Variants in MX1 observed in about 807,000 individuals in gnomAD.
The protein encoded by MX1 is interferon-induced GTP-binding protein Mx1.
MX1 carries 66 observed loss-of-function variants against 66.4 expected under a neutral mutation model. The observed-to-expected ratio is 0.99, with a 90% CI of 0.82 to 1.22. The LOEUF (loss-of-function observed/expected upper bound fraction) is 1.22. Among genes scored for constraint, MX1 ranks in the 50% most tolerant of loss-of-function variants. MX1 has a pLI of 0.00. For synonymous variants in MX1, 311 were observed against 318.1 expected (o/e 0.98, Z 0.24); for missense variants, 787 against 834.3 (o/e 0.94, Z 0.70).
At chr21:41,423,435 A>G (rs947084780), upstream of MX1, among the ~76,000 whole-genome samples, 1 of 152,226 alleles carries the variant, frequency 6.6e-6, no homozygotes, top group African/African-American at 2.4e-5. Context: ...TTCTGTCTCA[A>G]TCACTGTCCC....
At chr21:41,432,969 C>T (rs2146119111) in intron 5 of MX1, among the ~76,000 whole-genome samples, 1 of 152,318 alleles carries the variant, frequency 6.6e-6, no homozygotes, top group East Asian at 1.9e-4. Context: ...CATTTCCGTC[C>T]CTGGTGCGTC....
chr21:41,437,013 AG>A lies in MX1; in HGVS notation c.300del. The A allele has an allele frequency of 6.2e-7, 1 of 1,613,854 alleles. No individual in the cohort carries two copies. Among genetic ancestry groups the A allele is most frequent in the South Asian group, 1.1e-5 (1 of 91,074 alleles). ...AGCACTGATGTGGGCGTGGCCTCCT[AG>A]GGATCGTGACCAGATGCCCGCTGGT... is the stretch of plus-strand genomic sequence containing the variant. On this transcript the variant is annotated splice_acceptor_variant, in intron 6 of 16. Coordinates refer to ENST00000398598, the MANE Select transcript of MX1 (RefSeq NM_002462.5). LOFTEE classifies it high-confidence loss of function.
intron 11 of MX1, among the ~76,000 whole-genome samples, 185 bp downstream of exon 11, chr21:41,444,051 A>G (rs2090591422): frequency 6.6e-6 from 1 of 152,186 alleles, no homozygotes; most frequent in Non-Finnish European, 1.5e-5. Flanking sequence ...CCCCCAGACA[A>G]TGTGGATATT....
intron 11 of MX1, among the ~76,000 whole-genome samples, chr21:41,444,102 T>C (rs1291757113): frequency 6.6e-6 from 1 of 152,106 alleles, no homozygotes; most frequent in Admixed American, 6.5e-5. Flanking sequence ...GCTGATAGAC[T>C]ATATCTACTG....
At chr21:41,438,338 T>G (rs2090419672) in intron 7 of MX1, among the ~76,000 whole-genome samples, 1 of 152,270 alleles carries the variant, frequency 6.6e-6, no homozygotes. Context: ...ATCTTAAAAC[T>G]AATGGCTTGA....
At position 41,435,998 on chromosome 21, in the gene MX1, A is replaced by C. The variant is rs1298776703; in HGVS notation, c.267A>C (p.Ala89=). The change falls in exon 6 of 17, where the codon GCA becomes GCC. Residue 89 remains alanine, a synonymous_variant. Transcript: ENST00000398598. ...QSSGKSSVLE[A]LSGVALPRGS... Reference sequence around the variant, plus strand: ...CGGGCAAGAGCTCCGTGTTGGAGGCACTGTCAGGAGTTGCCCTTCCCAGAG... The same window carrying C: ...CGGGCAAGAGCTCCGTGTTGGAGGCCCTGTCAGGAGTTGCCCTTCCCAGAG... The C allele has an allele frequency of 1.7e-5, 27 of 1,614,210 alleles. No individual in the cohort carries two copies. The highest frequency in any genetic ancestry group is 2.3e-5 in the Non-Finnish European group (27 of 1,180,028).
intron 10 of MX1, chr21:41,443,530 A>C (rs2090575520): frequency 4.0e-6 from 2 of 504,192 alleles, no homozygotes; most frequent in Non-Finnish European, 7.2e-6. Context: ...CCAAGTCTAT[A>C]GTCAGACACC....
intron 7 of MX1, among the ~76,000 whole-genome samples, chr21:41,437,668 G>A (rs2090402042): frequency 6.6e-6 from 1 of 152,148 alleles, no homozygotes; most frequent in African/African-American, 2.4e-5. Context: ...TATTATGTAA[G>A]TATCTAGAAT....
chr21:41,421,031 C>T (rs1000625469), intron 1 of MX1, among the ~76,000 whole-genome samples: 7 of 152,206 alleles, frequency 4.6e-5, no homozygotes, highest in Non-Finnish European at 8.8e-5. Flanking sequence ...CTCTGAGTTC[C>T]CTTAGTATTT....
chr21:41,452,740 G>A lies in MX1; in HGVS notation c.1629G>A (p.Gln543=). 2 of 1,614,238 alleles carry A rather than the reference G, an allele frequency of 1.2e-6. No homozygotes were observed. The highest frequency in any genetic ancestry group is 1.7e-6 in the Non-Finnish European group (2 of 1,180,040). The change falls in exon 16 of 17, where the codon CAG becomes CAA. Residue 543 remains glutamine, a synonymous_variant. Transcript: ENST00000398598. ...CQDQVYRGAL[Q]KVREKELEEE... is the part of the protein sequence containing the mutation. ...ACCAGGTATACAGGGGTGCATTGCA[G>A]AAGGTCAGAGAGAAGGAGCTGGAAG...
At chr21:41,445,976 T>C (rs2090650844) in intron 12 of MX1, 24 bp from the exon 13 acceptor site, 2 of 1,613,064 alleles carry the variant, frequency 1.2e-6, no homozygotes, top group African/African-American at 1.3e-5. Flanking sequence ...TATCCACTTA[T>C]ACTGATGTTT....
Position 41,458,416 on chromosome 21 carries a change from C to T in MX1, c.1759-112C>T, listed in dbSNP as rs73372141. 11,248 of 1,313,936 alleles carry T rather than the reference C, an allele frequency of 8.6e-3. 670 individuals carry two copies. The African/African-American group carries it at 0.13, about 15-fold the overall frequency. The allele number at this position is 1,313,936 out of a possible 1,614,324, so 81.4% of individuals were successfully genotyped here. A position where few individuals can be genotyped will look rare whatever the true frequency, so the allele number is the denominator to read the frequency against. On this transcript the variant is annotated intron_variant, in intron 16 of 16. Transcript: ENST00000398598. ...AACCCAGGGGAAGGTCATTGCCCTG[C>T]GAGGGTCTCCCTCATTGAGAATCTG...
chr21:41,422,111 T>A (rs1173048585), upstream of MX1: 2 of 152,256 alleles, frequency 1.3e-5, no homozygotes, highest in African/African-American at 4.8e-5. Context: ...GCATTCTAAG[T>A]CACAGGGTGA....
In MX1 at chr21:41,452,966, G is replaced by A. The variant is rs148815370; in HGVS notation, c.1758+97G>A. Reference sequence around the variant, plus strand: ...CTTGCTCTCTCTGTAGGTGACGTTGGTCAGCTCTGTCGTTTACCTCCTTGT... The same window carrying A: ...CTTGCTCTCTCTGTAGGTGACGTTGATCAGCTCTGTCGTTTACCTCCTTGT... On this transcript the variant is annotated intron_variant, in intron 16 of 16. Coordinates refer to ENST00000398598, the MANE Select transcript of MX1 (RefSeq NM_002462.5). The A allele has an allele frequency of 3.4e-5, 49 of 1,440,144 alleles. No homozygotes were observed. The East Asian group carries it at 7.7e-4, about 23-fold the overall frequency. 89.2% of individuals were successfully genotyped at this position (1,440,144 alleles called of 1,614,324 possible).
At chr21:41,430,182 C>G (rs924806792) in intron 3 of MX1, among the ~76,000 whole-genome samples, 1 of 151,808 alleles carries the variant, frequency 6.6e-6, no homozygotes, top group Non-Finnish European at 1.5e-5. Context: ...GGGTGACAGG[C>G]AGGGGTGATG....
intron 5 of MX1, 127 bp downstream of exon 5, chr21:41,432,302 G>A (rs534296135): frequency 4.3e-5 from 35 of 821,152 alleles, no homozygotes; most frequent in South Asian, 2.3e-4. Context: ...GTGCCAGGAC[G>A]CAGATCCTGA....
In MX1 at chr21:41,452,734, A is replaced by G. The variant is rs1050008; in HGVS notation, c.1623A>G (p.Ala541=). 262,078 of 1,613,964 alleles carry G rather than the reference A, an allele frequency of 0.16. 25,808 individuals carry two copies. The highest frequency in any genetic ancestry group is 0.46 in the East Asian group (20,477 of 44,864). ...GCCAGGACCAGGTATACAGGGGTGC[A>G]TTGCAGAAGGTCAGAGAGAAGGAGC... ...VYCQDQVYRG[A]LQKVREKELE... is the part of the protein sequence containing the mutation. Residue 541 remains alanine (A), a synonymous_variant, in exon 16 of 17, where the codon GCA becomes GCG. Coordinates refer to ENST00000398598, the MANE Select transcript of MX1 (RefSeq NM_002462.5).
At chr21:41,426,994 G>T (rs1406157856) in intron 1 of MX1, 1 of 152,330 alleles carries the variant, frequency 6.6e-6, no homozygotes, top group African/African-American at 2.4e-5. Flanking sequence ...GGCAGAAGGA[G>T]CCCGGGCACA....
At chr21:41,435,725 G>T in intron 5 of MX1, 112 bp from the exon 6 acceptor site, 1 of 1,204,354 alleles carries the variant, frequency 8.3e-7, no homozygotes, top group Non-Finnish European at 1.2e-6. Flanking sequence ...TGACACGTAG[G>T]GATTATGGGG....
Sources: gnomAD v4.1 joint callset for allele counts (sites outside exome capture counted in the v4.1 genomes callset) on GRCh38, gnomAD v4.1.1 for gene constraint, MANE v1.5 for transcripts, NCBI Gene and HGNC (gene_info 2026-07-23, HGNC 2026-07-21) for gene names.